Variants in SEPTIN14 observed in about 807,000 individuals in gnomAD.
SEPTIN14 encodes the protein septin 14.
In SEPTIN14, 40 loss-of-function variants were observed where a neutral mutation model predicts 53.6. The observed-to-expected ratio is 0.75, with a 90% CI of 0.58 to 0.97. SEPTIN14 has a LOEUF of 0.97. SEPTIN14 is among the 50% of genes least tolerant of loss of function. The pLI is 0.00. For missense variants in SEPTIN14, 471 were observed against 508.2 expected (o/e 0.93, Z 0.70); for synonymous variants, 138 against 166.8 (o/e 0.83, Z 1.33).
At chr7:55,839,427 A>G (rs1363068555) in intron 5 of SEPTIN14, among the ~76,000 whole-genome samples, 2 of 151,670 alleles carry the variant, frequency 1.3e-5, no homozygotes, top group African/African-American at 2.4e-5. Context: ...TGAGAGACGC[A>G]GGTAACTTTC....
At chr7:55,837,703 C>T (rs1273819359) in intron 5 of SEPTIN14, among the ~76,000 whole-genome samples, 4 of 152,146 alleles carry the variant, frequency 2.6e-5, no homozygotes, top group African/African-American at 9.7e-5. Flanking sequence ...CTGCCTCAGC[C>T]TCCCGAGTAG....
intron 9 of SEPTIN14, among the ~76,000 whole-genome samples, chr7:55,802,240 C>T (rs930732119): frequency 6.6e-6 from 1 of 152,092 alleles, no homozygotes; most frequent in Non-Finnish European, 1.5e-5. Context: ...CCTGACCTGA[C>T]GTGATCTGCC....
rs569531119 is a variant in SEPTIN14, at chr7:55,849,217, CGG to C, written c.55-2582_55-2581del. On this transcript the variant is annotated intron_variant, in intron 2 of 9. Transcript: ENST00000388975. ...GCAGGAGCCTGTAATCCCAGCTACT[CGG>C]GAGGCTGAGGCAGGCGAATCCCTTG... 2.8e-3 allele frequency among the ~76,000 whole-genome samples: 421 copies of C among 151,366 alleles called. 5 individuals carry two copies. Among genetic ancestry groups the C allele is most frequent in the Middle Eastern group, 0.01 (3 of 290 alleles).
intron 2 of SEPTIN14, among the ~76,000 whole-genome samples, chr7:55,849,776 A>G (rs1789487874): frequency 6.6e-6 from 1 of 152,016 alleles, no homozygotes; most frequent in Non-Finnish European, 1.5e-5. Flanking sequence ...AACAAAAAAC[A>G]CCCAAAACAC....
intron 4 of SEPTIN14, 118 bp downstream of exon 4, chr7:55,844,405 A>G: frequency 4.1e-6 from 2 of 493,096 alleles, no homozygotes; most frequent in Non-Finnish European, 7.1e-6. Context: ...AACATTACTT[A>G]GGAAAATATT....
intron 2 of SEPTIN14, among the ~76,000 whole-genome samples, chr7:55,858,056 C>T (rs1789676264): frequency 6.6e-6 from 1 of 152,194 alleles, no homozygotes; most frequent in African/African-American, 2.4e-5. Flanking sequence ...GCAAGAAGCT[C>T]CACTCACAAC....
In SEPTIN14 at chr7:55,794,289, A is replaced by G. The variant is rs1156313836; in HGVS notation, c.*1624T>C. 5 of 152,216 alleles carry G rather than the reference A, an allele frequency of 3.3e-5. No homozygotes were observed. The highest frequency in any genetic ancestry group is 9.6e-5 in the African/African-American group (4 of 41,468). 9.4% of individuals were successfully genotyped at this position (152,216 alleles called of 1,614,324 possible). A position where few individuals can be genotyped will look rare whatever the true frequency, so the allele number is the denominator to read the frequency against. On this transcript the variant is annotated 3_prime_UTR_variant, in exon 10 of 10. Transcript: ENST00000388975. ...TGATTTCAGTTTCAGTTTTAATAAC[A>G]TTGGATTAAGATGAAAGAATGAGAA...
chr7:55,852,679 T>C (rs1314298791), intron 2 of SEPTIN14, among the ~76,000 whole-genome samples: 2 of 151,924 alleles, frequency 1.3e-5, no homozygotes, highest in Non-Finnish European at 2.9e-5. Context: ...AAAGCAAAAA[T>C]GGACAAATGG....
In SEPTIN14 at chr7:55,843,010, A is replaced by C; in HGVS notation, c.490T>G (p.Phe164Val). The C allele has an allele frequency of 6.3e-7, 1 of 1,581,514 alleles. No homozygotes were observed. ...AGGGAATGTCCTGTAGGTGAAATGA[A>C]GTAAAGACACACGTGGACGCGAGAA... ...HDSRVHVCLYFISPTGHSLKS... is the reference protein window; with the variant it reads ...HDSRVHVCLYVISPTGHSLKS... Residue 164 changes from phenylalanine to valine, a missense_variant, in exon 5 of 10, where the codon TTC becomes GTC. Transcript: ENST00000388975.
Position 55,793,623 on chromosome 7 carries a change from T to G in SEPTIN14, c.*2290A>C, listed in dbSNP as rs570555055. 4 of 152,260 alleles carry G rather than the reference T, an allele frequency of 2.6e-5. No homozygotes were observed. The highest frequency in any genetic ancestry group is 7.2e-5 in the African/African-American group (3 of 41,560). 9.4% of individuals were successfully genotyped at this position (152,260 alleles called of 1,614,324 possible). ...ATGTAATTATAAATCTGTTAGGTGG[T>G]GTACAATGAATAAAGATACAATTTG... On this transcript the variant is annotated 3_prime_UTR_variant, in exon 10 of 10. Coordinates refer to ENST00000388975, the MANE Select transcript of SEPTIN14 (RefSeq NM_207366.3).
chr7:55,834,366 T>G, intron 6 of SEPTIN14, 59 bp downstream of exon 6: 2 of 1,316,176 alleles, frequency 1.5e-6, no homozygotes, highest in Non-Finnish European at 2.1e-6. Flanking sequence ...ATTCTCACAC[T>G]GGATTCTGGA....
intron 2 of SEPTIN14, among the ~76,000 whole-genome samples, chr7:55,860,768 A>G (rs979221212): frequency 6.6e-6 from 1 of 152,154 alleles, no homozygotes; most frequent in Non-Finnish European, 1.5e-5. Context: ...TTATAACAGA[A>G]GCTTGAGGGA....
intron 6 of SEPTIN14, among the ~76,000 whole-genome samples, chr7:55,823,450 T>C (rs1788931020): frequency 6.6e-6 from 1 of 152,144 alleles, no homozygotes; most frequent in Non-Finnish European, 1.5e-5. Context: ...ATTGTCAGGG[T>C]ATCCTCATTC....
chr7:55,830,887 A>AATAC (rs970175090), intron 6 of SEPTIN14, among the ~76,000 whole-genome samples: 5 of 152,178 alleles, frequency 3.3e-5, no homozygotes, highest in African/African-American at 7.2e-5. Context: ...TTTTGCCACA[A>AATAC]GTATAATGAA....
chr7:55,827,510 A>T (rs921868858), intron 6 of SEPTIN14, among the ~76,000 whole-genome samples: 5 of 152,232 alleles, frequency 3.3e-5, no homozygotes, highest in Admixed American at 3.3e-4. Flanking sequence ...CACAGGAGGT[A>T]GAGCTGGTAC....
chr7:55,818,882 T>C (rs1288644476), intron 7 of SEPTIN14, among the ~76,000 whole-genome samples: 1 of 152,316 alleles, frequency 6.6e-6, no homozygotes, highest in East Asian at 1.9e-4. Context: ...ACAAAGAGGT[T>C]CTTCCCAGCC....
chr7:55,809,309 CTTTTT>C (rs780613537), intron 7 of SEPTIN14, among the ~76,000 whole-genome samples: 5 of 88,672 alleles, frequency 5.6e-5, no homozygotes, highest in East Asian at 3.5e-4. Context: ...ACTATGCTTA[CTTTTT>C]TTTTTTTTTT....
intron 2 of SEPTIN14, among the ~76,000 whole-genome samples, chr7:55,855,424 T>A (rs1001417173): frequency 6.6e-6 from 1 of 152,196 alleles, no homozygotes; most frequent in Non-Finnish European, 1.5e-5. Context: ...GCATCAACTT[T>A]TCTAGGCAAG....
In SEPTIN14 at chr7:55,812,919, T is replaced by A. The variant is rs371221837; in HGVS notation, c.818-5661A>T. Among the ~76,000 whole-genome samples the A allele has an allele frequency of 6.9e-4, 105 of 151,316 alleles. 4 individuals are homozygous for A. In the South Asian group the frequency reaches 0.022, roughly 31 times the overall value. ...TGCCCTGCCACAGTGCTACACAACA[T>A]AGGGCAGAATTCTGCTAGTGCCCAC... On this transcript the variant is annotated intron_variant, in intron 7 of 9. Coordinates refer to ENST00000388975, the MANE Select transcript of SEPTIN14 (RefSeq NM_207366.3).
Sources: gnomAD v4.1 joint callset for allele counts (sites outside exome capture counted in the v4.1 genomes callset) on GRCh38, gnomAD v4.1.1 for gene constraint, MANE v1.5 for transcripts, NCBI Gene and HGNC (gene_info 2026-07-23, HGNC 2026-07-21) for gene names.